Variants in GPR176 observed in about 807,000 individuals in gnomAD.
GPR176 encodes the protein G-protein coupled receptor 176.
A neutral mutation model predicts 35.4 loss-of-function variants in GPR176; 26 were observed. That is an observed-to-expected ratio of 0.74 (90% CI 0.54 to 1.02). GPR176 has a LOEUF of 1.02. Ranked by LOEUF, GPR176 falls within the 50% of genes least tolerant of loss-of-function variation. The pLI is 0.00. For missense variants in GPR176, 597 were observed against 665.3 expected (o/e 0.90, Z 1.13); for synonymous variants, 278 against 271.3 (o/e 1.02, Z -0.24).
At position 39,867,546 on chromosome 15, in the gene GPR176, C is replaced by A. The variant is rs749397763; in HGVS notation, c.172+52309G>T. ...CAAAGGCCCCAGGGTTTGAACCTCA[C>A]GCTGGAGGCTACTCAGGGCCAAAGG... On this transcript the variant is annotated intron_variant, in intron 1 of 2. Coordinates refer to ENST00000561100, the MANE Select transcript of GPR176 (RefSeq NM_007223.3). 1.3e-4 allele frequency among the ~76,000 whole-genome samples: 19 copies of A among 151,606 alleles called. No individual in the cohort carries two copies. The East Asian group carries it at 3.5e-3, about 28-fold the overall frequency.
In GPR176 at chr15:39,919,964, G is replaced by C; in HGVS notation, c.63C>G (p.Ala21=). ...NASEPHNASG[A]EAAGVNRSAL... is the part of the protein sequence containing the mutation. ...CGCTGCGGTTCACACCCGCAGCCTC[G>C]GCGCCGGACGCGTTGTGCGGCTCGC... is the stretch of plus-strand genomic sequence containing the variant. The change falls in exon 1 of 3, where the codon GCC becomes GCG. Residue 21 remains alanine (A), a synonymous_variant. Coordinates refer to ENST00000561100, the MANE Select transcript of GPR176 (RefSeq NM_007223.3). The C allele has an allele frequency of 8.8e-6, 13 of 1,482,628 alleles. No homozygotes were observed. Among genetic ancestry groups the C allele is most frequent in the Non-Finnish European group, 1.2e-5 (13 of 1,116,734 alleles). The allele number at this position is 1,482,628 out of a possible 1,614,324, so 91.8% of individuals were successfully genotyped here.
At chr15:39,809,001 C>A (rs1363091071) in intron 1 of GPR176, among the ~76,000 whole-genome samples, 1 of 152,170 alleles carries the variant, frequency 6.6e-6, no homozygotes, top group Admixed American at 6.5e-5. Context: ...GTCCACAGCC[C>A]CATGCTCAGA....
chr15:39,914,069 A>G (rs1019821741), intron 1 of GPR176, among the ~76,000 whole-genome samples: 2 of 152,124 alleles, frequency 1.3e-5, no homozygotes, highest in Non-Finnish European at 2.9e-5. Flanking sequence ...ACAAACAAAC[A>G]AAAAACACCA....
At chr15:39,845,536 C>T (rs2030357003) in intron 1 of GPR176, among the ~76,000 whole-genome samples, 2 of 151,680 alleles carry the variant, frequency 1.3e-5, no homozygotes, top group African/African-American at 4.9e-5. Context: ...TTTAAAAACA[C>T]TGATGCCTGG....
intron 1 of GPR176, among the ~76,000 whole-genome samples, chr15:39,874,803 G>A (rs530616303): frequency 1.3e-5 from 2 of 152,152 alleles, no homozygotes; most frequent in Non-Finnish European, 2.9e-5. Context: ...CAGCACTTTG[G>A]GGGGCCAAGG....
At chr15:39,815,974 GAGGAAATCCTGTCATTTGCAATAAC>G (rs1480718887) in intron 1 of GPR176, among the ~76,000 whole-genome samples, 1 of 152,210 alleles carries the variant, frequency 6.6e-6, no homozygotes, top group Admixed American at 6.5e-5. Context: ...TTAAGAAAAG[GAGGAAATCCTGTCATTTGCAATAAC>G]ACAGATGAAC....
intron 1 of GPR176, among the ~76,000 whole-genome samples, chr15:39,914,592 G>C (rs368107398): frequency 6.6e-6 from 1 of 152,120 alleles, no homozygotes; most frequent in Non-Finnish European, 1.5e-5. Flanking sequence ...TTACAGGCAT[G>C]AGCCACCACA....
At chr15:39,849,789 G>A (rs959187129) in intron 1 of GPR176, among the ~76,000 whole-genome samples, 4 of 152,050 alleles carry the variant, frequency 2.6e-5, no homozygotes, top group African/African-American at 4.8e-5. Context: ...AACATTATAC[G>A]GTCAGGCATC....
At chr15:39,861,800 T>C (rs553814812) in intron 1 of GPR176, among the ~76,000 whole-genome samples, 2 of 152,328 alleles carry the variant, frequency 1.3e-5, no homozygotes, top group African/African-American at 4.8e-5. Context: ...CTCATCAAAA[T>C]GTTAAAGGTC....
At chr15:39,805,501 C>T (rs1047334262) in intron 2 of GPR176, among the ~76,000 whole-genome samples, 1 of 151,968 alleles carries the variant, frequency 6.6e-6, no homozygotes, top group Non-Finnish European at 1.5e-5. Flanking sequence ...TCCTGCCCAC[C>T]GAGTCTAGAT....
At chr15:39,900,252 A>T (rs1328815243) in intron 1 of GPR176, among the ~76,000 whole-genome samples, 1 of 152,092 alleles carries the variant, frequency 6.6e-6, no homozygotes, top group Non-Finnish European at 1.5e-5. Context: ...AAGAAGCCTA[A>T]CAGCAGTAAG....
Position 39,845,088 on chromosome 15 carries a change from A to G in GPR176, c.173-37830T>C, listed in dbSNP as rs55991644. ...GGGCTTGGCCAGGCAAAAGGCTCTC[A>G]GAGGAGGAAGAAGAATTCTGGCCAG... is the stretch of plus-strand genomic sequence containing the variant. On this transcript the variant is annotated intron_variant, in intron 1 of 2. Transcript: ENST00000561100. 4.0e-3 allele frequency among the ~76,000 whole-genome samples: 612 copies of G among 152,256 alleles called. 1 individual carries two copies. Among genetic ancestry groups the G allele is most frequent in the Middle Eastern group, 0.014 (4 of 294 alleles).
chr15:39,856,456 G>A (rs894131955), intron 1 of GPR176, among the ~76,000 whole-genome samples: 5 of 152,196 alleles, frequency 3.3e-5, no homozygotes, highest in African/African-American at 1.2e-4. Context: ...TGGGCTGGTG[G>A]TCTGGCTCAG....
chr15:39,802,406 C>T (rs1362739731), intron 2 of GPR176, 152 bp from the exon 3 acceptor site: 8 of 637,352 alleles, frequency 1.3e-5, no homozygotes, highest in Non-Finnish European at 2.1e-5. Flanking sequence ...GGAAGCCAGA[C>T]CTAAGTTTTG....
In GPR176 at chr15:39,878,095, C is replaced by CGTGTGTGTGTGTGT. The variant is rs1411063695; in HGVS notation, c.172+41759_172+41760insACACACACACACAC. On this transcript the variant is annotated intron_variant, in intron 1 of 2. Transcript: ENST00000561100. ...ACATATCCATCACCTCCCATAGTTA[C>CGTGTGTGTGTGTGT]CTGTGTGTGTGTGTGTGTGTGTGTG... Among the ~76,000 whole-genome samples, 272 of 40,920 alleles carry CGTGTGTGTGTGTGT rather than the reference C, an allele frequency of 6.6e-3. 5 individuals carry two copies. Among genetic ancestry groups the CGTGTGTGTGTGTGT allele is most frequent in the Non-Finnish European group, 5.3e-3 (75 of 14,174 alleles). 26.8% of individuals were successfully genotyped at this position (40,920 alleles called of 152,430 possible). A position where few individuals can be genotyped will look rare whatever the true frequency, so the allele number is the denominator to read the frequency against.
chr15:39,813,455 T>C (rs1050927102), intron 1 of GPR176: 4 of 152,232 alleles, frequency 2.6e-5, no homozygotes, highest in African/African-American at 9.6e-5. Flanking sequence ...AGAGGGTTTC[T>C]TCACCCAGCA....
At chr15:39,847,742 C>CAAAAA (rs34896644) in intron 1 of GPR176, among the ~76,000 whole-genome samples, 85 of 68,432 alleles carry the variant, frequency 1.2e-3, no homozygotes, top group African/African-American at 1.7e-3. Context: ...GACTCTGTCT[C>CAAAAA]AAAAAAAAAA....
At chr15:39,815,408 A>G (rs1473261236) in intron 1 of GPR176, 4 of 152,256 alleles carry the variant, frequency 2.6e-5, no homozygotes, top group Admixed American at 2.6e-4. Flanking sequence ...GTGCCCCGGG[A>G]CCATGAAGTT....
At chr15:39,919,596 G>C (rs1162042516) in intron 1 of GPR176, among the ~76,000 whole-genome samples, 1 of 152,184 alleles carries the variant, frequency 6.6e-6, no homozygotes, top group Non-Finnish European at 1.5e-5. Flanking sequence ...ATCTGAGGAG[G>C]GGGACTCCCG....
Sources: gnomAD v4.1 joint callset for allele counts (sites outside exome capture counted in the v4.1 genomes callset) on GRCh38, gnomAD v4.1.1 for gene constraint, MANE v1.5 for transcripts, NCBI Gene and HGNC (gene_info 2026-07-23, HGNC 2026-07-21) for gene names.